The following PDZD2 variants were observed in gnomAD, a reference collection of about 807,000 sequenced individuals.
PDZD2 encodes the protein PDZ domain-containing protein 2.
PDZD2 carries 90 observed loss-of-function variants against 220.7 expected under a neutral mutation model. That is an observed-to-expected ratio of 0.41 (90% CI 0.34 to 0.49). PDZD2 has a LOEUF of 0.49. PDZD2 is among the 20% of genes least tolerant of loss of function. PDZD2 has a pLI of 0.28. For missense variants in PDZD2, 3,174 were observed against 3,608.5 expected (o/e 0.88, Z 3.08); for synonymous variants, 1,375 against 1,450.5 (o/e 0.95, Z 1.18).
rs943743490 is a variant in PDZD2, at chr5:32,083,020, G to A, written c.3683-4111G>A. 2.6e-5 allele frequency among the ~76,000 whole-genome samples: 4 copies of A among 152,124 alleles called. No individual in the cohort carries two copies. The highest frequency in any genetic ancestry group is 9.7e-5 in the African/African-American group (4 of 41,410). On this transcript the variant is annotated intron_variant, in intron 19 of 24. Coordinates refer to ENST00000438447, the MANE Select transcript of PDZD2 (RefSeq NM_178140.4). The surrounding 1 kb of genome is among the most constrained non-coding windows in gnomAD (Gnocchi z 4.1). ...TAACTCTGTTATGAACGGGATACAT[G>A]TTTATTCTAGAAACTTAAGAAATTA... is the stretch of plus-strand genomic sequence containing the variant.
intron 1 of PDZD2, among the ~76,000 whole-genome samples, chr5:31,788,440 C>T (rs561635075): frequency 1.4e-4 from 21 of 152,046 alleles, no homozygotes; most frequent in Admixed American, 2.0e-4. Flanking sequence ...CCAAGGCGGG[C>T]GGATCACGAG....
chr5:32,001,643 T>C (rs1752115717), intron 5 of PDZD2, among the ~76,000 whole-genome samples: 1 of 152,214 alleles, frequency 6.6e-6, no homozygotes, highest in Non-Finnish European at 1.5e-5. Flanking sequence ...ATTAATATAG[T>C]GCCCAATTCT....
chr5:32,079,102 A>G (rs909281680), intron 19 of PDZD2, among the ~76,000 whole-genome samples: 3 of 151,486 alleles, frequency 2.0e-5, no homozygotes, highest in African/African-American at 7.3e-5. Flanking sequence ...TCTACTAAAC[A>G]TAAAAAAATT....
intron 2 of PDZD2, among the ~76,000 whole-genome samples, chr5:31,842,193 C>T (rs775436483): frequency 7.2e-5 from 11 of 152,238 alleles, no homozygotes; most frequent in South Asian, 2.1e-4. Flanking sequence ...CCTGTCTTAG[C>T]GGGGATTTGC....
intron 2 of PDZD2, among the ~76,000 whole-genome samples, chr5:31,869,298 C>T (rs960117086): frequency 6.6e-6 from 1 of 152,188 alleles, no homozygotes; most frequent in Non-Finnish European, 1.5e-5. Context: ...ACCGCTTGGG[C>T]TTCCTCTTCT....
intron 1 of PDZD2, among the ~76,000 whole-genome samples, chr5:31,689,542 AG>A (rs1163700674): frequency 6.6e-6 from 1 of 151,188 alleles, no homozygotes; most frequent in African/African-American, 2.4e-5. Flanking sequence ...TAAGTCAACT[AG>A]CCCTTCATAT....
intron 1 of PDZD2, among the ~76,000 whole-genome samples, chr5:31,755,607 G>A (rs577693721): frequency 1.5e-3 from 218 of 142,278 alleles, no homozygotes; most frequent in Non-Finnish European, 1.2e-3. Context: ...TAATCTTTAG[G>A]TGGTGTGTCT....
At chr5:31,856,138 C>T (rs1024629328) in intron 2 of PDZD2, among the ~76,000 whole-genome samples, 1 of 152,190 alleles carries the variant, frequency 6.6e-6, no homozygotes, top group East Asian at 1.9e-4. Context: ...TGTTTTGTAA[C>T]TCTCAATTCA....
At chr5:32,031,702 T>C (rs534712878) in intron 6 of PDZD2, among the ~76,000 whole-genome samples, 1 of 152,220 alleles carries the variant, frequency 6.6e-6, no homozygotes, top group South Asian at 2.1e-4. Context: ...GGGAGAAAGC[T>C]TGGGCCTTTT....
intron 1 of PDZD2, among the ~76,000 whole-genome samples, chr5:31,666,589 A>G (rs74641369): frequency 0.028 from 4,292 of 152,282 alleles, 197 homozygotes; most frequent in African/African-American, 0.097. Flanking sequence ...GGTGCTCAGA[A>G]ACAAACTTGG....
chr5:32,100,109 G>C (rs1387825309), intron 23 of PDZD2: 1 of 152,308 alleles, frequency 6.6e-6, no homozygotes, highest in Admixed American at 6.5e-5. Context: ...CCAGACTCGA[G>C]CCACTGCAAT....
At chr5:31,886,760 C>T (rs181486466) in intron 2 of PDZD2, among the ~76,000 whole-genome samples, 2,744 of 151,308 alleles carry the variant, frequency 0.018, 84 homozygotes, top group African/African-American at 0.064. Context: ...TGCAGTGGTG[C>T]GATCTCGGCT....
chr5:31,704,917 T>C (rs2330793), intron 1 of PDZD2, among the ~76,000 whole-genome samples: 21,604 of 152,154 alleles, frequency 0.14, 1,588 homozygotes, highest in East Asian at 0.18. Flanking sequence ...TCCCAACACT[T>C]TGGAAGGCCG....
intron 15 of PDZD2, 43 bp downstream of exon 15, chr5:32,069,693 C>T (rs755767132): frequency 1.0e-6 from 1 of 1,004,218 alleles, no homozygotes; most frequent in Non-Finnish European, 1.6e-6. Context: ...AGAAGAGTTT[C>T]TCATTAAGTT....
At chr5:32,028,662 ATTTTTTT>A (rs749566544) in intron 6 of PDZD2, among the ~76,000 whole-genome samples, 1 of 66,916 alleles carries the variant, frequency 1.5e-5, no homozygotes, top group African/African-American at 3.8e-5. Flanking sequence ...TGCTCCTTCT[ATTTTTTT>A]TTTTTGTTTT....
chr5:32,005,109 T>A (rs1046450141), intron 5 of PDZD2, among the ~76,000 whole-genome samples: 1 of 152,230 alleles, frequency 6.6e-6, no homozygotes, highest in Non-Finnish European at 1.5e-5. Context: ...TTGACATGTT[T>A]CTCTTCTTTA....
chr5:31,842,878 GTTTTTTC>G (rs1292851103), intron 2 of PDZD2, among the ~76,000 whole-genome samples: 6 of 151,586 alleles, frequency 4.0e-5, no homozygotes, highest in South Asian at 2.1e-4. Context: ...TTGTTGTTTT[GTTTTTTC>G]TTTTTTCTTT....
chr5:31,689,290 C>CACAT, intron 1 of PDZD2, among the ~76,000 whole-genome samples: 1 of 96,612 alleles, frequency 1.0e-5, no homozygotes, highest in African/African-American at 4.7e-5. Context: ...TATATACATA[C>CACAT]ATATACATAT....
intron 2 of PDZD2, among the ~76,000 whole-genome samples, chr5:31,914,861 C>T (rs959504118): frequency 1.3e-5 from 2 of 152,082 alleles, no homozygotes; most frequent in Non-Finnish European, 2.9e-5. Context: ...GCTTAGCAGC[C>T]GCAGTAATTC....
Sources: gnomAD v4.1 joint callset for allele counts (sites outside exome capture counted in the v4.1 genomes callset) on GRCh38, gnomAD v4.1.1 for gene constraint, Gnocchi (gnomAD v3.1) non-coding constraint, MANE v1.5 for transcripts, NCBI Gene and HGNC (gene_info 2026-07-23, HGNC 2026-07-21) for gene names.